STAT3: variants seen among roughly 807,000 people sequenced by gnomAD.
STAT3 encodes signal transducer and activator of transcription 3, also known as DNA-binding protein APRF.
In STAT3, 7 loss-of-function variants were observed where a neutral mutation model predicts 114.3. The ratio of observed to expected loss-of-function variants is 0.06; its 90% CI spans 0.03 to 0.11. STAT3 has a LOEUF of 0.11. STAT3 is among the 10% of genes least tolerant of loss of function. STAT3 has a pLI of 1.00. For synonymous variants in STAT3, 331 were observed against 354.5 expected, an observed-to-expected ratio of 0.93 and a Z score of 0.74; for missense variants, 364 against 960.9, an observed-to-expected ratio of 0.38 and a Z score of 8.21.
At chr17:42,385,720 G>A (rs1441762826) in intron 1 of STAT3, among the ~76,000 whole-genome samples, 2 of 152,070 alleles carry the variant, frequency 1.3e-5, no homozygotes, top group African/African-American at 2.4e-5. Context: ...ATGCACTCTG[G>A]TTTAAATGAC....
intron 1 of STAT3, among the ~76,000 whole-genome samples, chr17:42,382,687 C>T (rs775492881): frequency 6.6e-6 from 1 of 151,462 alleles, no homozygotes; most frequent in Non-Finnish European, 1.5e-5. Context: ...CACTCTGTTG[C>T]CCAGGCTGGA....
Position 42,316,655 on chromosome 17 carries a change from T to C in STAT3, c.2257+134A>G, listed in dbSNP as rs747408974. The stretch of plus-strand genomic sequence containing the variant: ...ACTCACACATGTGGCATTCATACCA[T>C]CTCTTTTGGAAAGCAAAGCTCTAGA... On this transcript the variant is annotated intron_variant, in intron 23 of 23. Coordinates refer to ENST00000264657, the MANE Select transcript of STAT3 (RefSeq NM_139276.3). 1.9e-6 allele frequency: 3 copies of C among 1,542,978 alleles called. No individual in the cohort carries two copies. In the African/African-American group the frequency reaches 4.1e-5, roughly 21 times the overall value.
intron 14 of STAT3, 105 bp downstream of exon 14, chr17:42,329,305 A>G (rs2081885521): frequency 6.5e-7 from 1 of 1,540,770 alleles, no homozygotes; most frequent in South Asian, 1.1e-5. Flanking sequence ...ACTACAGCTG[A>G]AAGAACAGGT....
intron 1 of STAT3, among the ~76,000 whole-genome samples, chr17:42,351,094 G>A (rs1332347873): frequency 1.5e-5 from 2 of 136,108 alleles, no homozygotes; most frequent in Non-Finnish European, 3.0e-5. Context: ...TCGTGCCACT[G>A]CACTCCAGCC....
chr17:42,324,664 C>T lies in STAT3; in HGVS notation c.1600+47G>A, dbSNP rs1431658968. 2.9e-6 allele frequency: 4 copies of T among 1,387,178 alleles called. No individual in the cohort carries two copies. The African/African-American group carries it at 5.7e-5, about 20-fold the overall frequency. 85.9% of individuals were successfully genotyped at this position (1,387,178 alleles called of 1,614,324 possible). A position where few individuals can be genotyped will look rare whatever the true frequency, so the allele number is the denominator to read the frequency against. ...AATGAACAGCCCTATGGGCCGGATC[C>T]CTTTTCTGGGCGGGTGGGCGGGAGG... On this transcript the variant is annotated intron_variant, in intron 17 of 23. Transcript: ENST00000264657. This position sits in a 1 kb window ranked among gnomAD's most constrained non-coding sequence, Gnocchi z 4.5.
chr17:42,322,466 T>C lies in STAT3; in HGVS notation c.1917A>G (p.Pro639=), dbSNP rs2144683509. 6.2e-7 allele frequency: 1 copy of C among 1,614,250 alleles called. No individual in the cohort carries two copies. Among genetic ancestry groups the C allele is most frequent in the Non-Finnish European group, 8.5e-7 (1 of 1,180,046 alleles). Residue 639 remains proline, a synonymous_variant, in exon 21 of 24, where the codon CCA becomes CCG. Transcript: ENST00000264657. ...TGTTGTTCAGCTGCTGCTTTGTGTATGGTTCCACGGACTGGATCTGGGTCT... is the reference window on the plus strand; with the variant it reads ...TGTTGTTCAGCTGCTGCTTTGTGTACGGTTCCACGGACTGGATCTGGGTCT... ...SGKTQIQSVE[P]YTKQQLNNMS... is the part of the protein sequence containing the mutation.
chr17:42,371,318 C>T (rs547896990), intron 1 of STAT3, among the ~76,000 whole-genome samples: 3 of 152,068 alleles, frequency 2.0e-5, no homozygotes, highest in East Asian at 3.9e-4. Flanking sequence ...GAGCCCAGAG[C>T]GACTGGGTGG....
intron 1 of STAT3, among the ~76,000 whole-genome samples, chr17:42,360,657 A>G (rs1567743023): frequency 6.6e-6 from 1 of 152,066 alleles, no homozygotes. Context: ...AAAAAAAAAA[A>G]GAATTTTAGT....
chr17:42,348,633 G>T, intron 1 of STAT3, 94 bp from the exon 2 acceptor site: 1 of 1,437,448 alleles, frequency 7.0e-7, no homozygotes, highest in Non-Finnish European at 9.6e-7. Context: ...TCAGGTCTGT[G>T]ACTAGGGATA....
intron 4 of STAT3, among the ~76,000 whole-genome samples, chr17:42,343,927 T>TA (rs1288847583): frequency 6.6e-6 from 1 of 152,224 alleles, no homozygotes. Flanking sequence ...TATCTATCTG[T>TA]AAATAATAAG....
intron 13 of STAT3, 48 bp from the exon 14 acceptor site, chr17:42,329,505 C>T (rs2144769702): frequency 6.2e-7 from 1 of 1,614,206 alleles, no homozygotes; most frequent in Non-Finnish European, 8.5e-7. Flanking sequence ...CTCCCTAGCC[C>T]TCTCCGGCAG....
In STAT3 at chr17:42,324,563, T is replaced by TCCC. The variant is rs2081620867; in HGVS notation, c.1600+145_1600+147dup. 2.6e-6 allele frequency: 3 copies of TCCC among 1,169,370 alleles called. No homozygotes were observed. Among genetic ancestry groups the TCCC allele is most frequent in the Non-Finnish European group, 3.6e-6 (3 of 830,834 alleles). The allele number at this position is 1,169,370 out of a possible 1,614,324, so 72.4% of individuals were successfully genotyped here. A position where few individuals can be genotyped will look rare whatever the true frequency, so the allele number is the denominator to read the frequency against. On this transcript the variant is annotated intron_variant, in intron 17 of 23. Coordinates refer to ENST00000264657, the MANE Select transcript of STAT3 (RefSeq NM_139276.3). This position sits in a 1 kb window ranked among gnomAD's most constrained non-coding sequence, Gnocchi z 4.5. ...TGTCTCTGCACCCCAACTCCCCAAC[T>TCCC]CCCCTGTTTCCTGGCACCAGCACAG...
At position 42,357,321 on chromosome 17, in the gene STAT3, A is replaced by AT. The variant is rs925538644; in HGVS notation, c.-23-8783dup. On this transcript the variant is annotated intron_variant, in intron 1 of 23. Transcript: ENST00000264657. Reference sequence around the variant, plus strand: ...AAAGCAATTCACGCTAGAGAAAAACATTCAATCTTCATAAAATTTTCACCA... The same window carrying AT: ...AAAGCAATTCACGCTAGAGAAAAACATTTCAATCTTCATAAAATTTTCACCA... Among the ~76,000 whole-genome samples the AT allele has an allele frequency of 2.0e-5, 3 of 152,334 alleles. 1 individual carries two copies. The highest frequency in any genetic ancestry group is 6.8e-3 in the Middle Eastern group (2 of 294).
intron 5 of STAT3, 116 bp downstream of exon 5, chr17:42,339,198 G>C: frequency 1.0e-6 from 1 of 1,002,716 alleles, no homozygotes; most frequent in Non-Finnish European, 1.5e-6. Flanking sequence ...CGAGGCTGCA[G>C]TGAGCTGTGA....
intron 10 of STAT3, among the ~76,000 whole-genome samples, chr17:42,332,838 C>CAA (rs927814098): frequency 7.2e-6 from 1 of 139,446 alleles, no homozygotes. Context: ...GACTCTGTCT[C>CAA]AAAAAAAAAA....
intron 4 of STAT3, among the ~76,000 whole-genome samples, chr17:42,344,469 C>A (rs1345958879): frequency 6.6e-6 from 1 of 150,506 alleles, no homozygotes; most frequent in Non-Finnish European, 1.5e-5. Flanking sequence ...ATAATCCCAG[C>A]ACTTTGGGAG....
chr17:42,357,218 C>A (rs2083270644), intron 1 of STAT3, among the ~76,000 whole-genome samples: 1 of 152,206 alleles, frequency 6.6e-6, no homozygotes, highest in African/African-American at 2.4e-5. Flanking sequence ...TTTATTTGTT[C>A]TCACCATACC....
At chr17:42,347,875 G>A (rs916775122) in intron 2 of STAT3, among the ~76,000 whole-genome samples, 8 of 152,142 alleles carry the variant, frequency 5.3e-5, no homozygotes, top group African/African-American at 1.9e-4. Context: ...AGCAGATGCT[G>A]CTATGCTTCC....
chr17:42,350,436 G>A (rs540208960), intron 1 of STAT3, among the ~76,000 whole-genome samples: 8 of 152,224 alleles, frequency 5.3e-5, no homozygotes, highest in African/African-American at 1.9e-4. Context: ...CAGCATTGCT[G>A]CACCTGGCTA....
Sources: allele counts gnomAD v4.1 joint callset (sites outside exome capture counted in the v4.1 genomes callset), GRCh38; gene constraint gnomAD v4.1.1; non-coding constraint Gnocchi (gnomAD v3.1); transcripts MANE v1.5; gene names NCBI Gene and HGNC (gene_info 2026-07-23, HGNC 2026-07-21).